MAP3K4: variants seen among roughly 807,000 people sequenced by gnomAD.
The protein encoded by MAP3K4 is mitogen-activated protein kinase kinase kinase 4.
Under a neutral mutation model 185.6 loss-of-function variants are expected in MAP3K4, and 67 were observed. The observed-to-expected ratio is 0.36, with a 90% CI of 0.30 to 0.44. The LOEUF (loss-of-function observed/expected upper bound fraction) is 0.44. Ranked by LOEUF, MAP3K4 falls within the 20% of genes least tolerant of loss-of-function variation. MAP3K4 has a pLI of 1.00. For synonymous variants in MAP3K4, 702 were observed against 710.4 expected (o/e 0.99, Z 0.19); for missense variants, 1,551 against 1,995.1 (o/e 0.78, Z 4.24).
chr6:161,042,536 G>A (rs1052216799), intron 2 of MAP3K4, among the ~76,000 whole-genome samples: 1 of 152,134 alleles, frequency 6.6e-6, no homozygotes, highest in African/African-American at 2.4e-5. Context: ...TTGAGATTAT[G>A]CTTTTGGATA....
Position 161,008,395 on chromosome 6 carries a change from T to G in MAP3K4, c.152+16312T>G, listed in dbSNP as rs1198610424. On this transcript the variant is annotated intron_variant, in intron 1 of 26. Transcript: ENST00000392142. This position sits in a 1 kb window ranked among gnomAD's most constrained non-coding sequence, Gnocchi z 4.1. ...GAAATATAATTACTATACCAAAGTG[T>G]GTGTGTGTGTAAATATATGTAAAAT... 6.6e-6 allele frequency among the ~76,000 whole-genome samples: 1 copy of G among 152,196 alleles called. No homozygotes were observed. The highest frequency in any genetic ancestry group is 1.5e-5 in the Non-Finnish European group (1 of 68,034).
rs763156493 is a variant in MAP3K4, at chr6:161,091,549, A to C, written c.3135+9A>C. Reference sequence around the variant, plus strand: ...ACAATTTTGGATTTGAGGTAGGTTCAAAATAAGAGGAAACACGGTACAATT... The same window carrying C: ...ACAATTTTGGATTTGAGGTAGGTTCCAAATAAGAGGAAACACGGTACAATT... On this transcript the variant is annotated intron_variant, in intron 12 of 26. Transcript: ENST00000392142. This position sits in a 1 kb window ranked among gnomAD's most constrained non-coding sequence, Gnocchi z 5.5. 1 of 1,608,436 alleles carries C rather than the reference A, an allele frequency of 6.2e-7. No individual in the cohort carries two copies. The highest frequency in any genetic ancestry group is 8.5e-7 in the Non-Finnish European group (1 of 1,177,644).
Position 160,996,562 on chromosome 6 carries a change from G to C in MAP3K4, c.152+4479G>C, listed in dbSNP as rs1373323211. 6.6e-6 allele frequency among the ~76,000 whole-genome samples: 1 copy of C among 152,170 alleles called. No individual in the cohort carries two copies. Among genetic ancestry groups the C allele is most frequent in the Non-Finnish European group, 1.5e-5 (1 of 68,038 alleles). The stretch of plus-strand genomic sequence containing the variant: ...TTGTCTCAGCCTTGTCATTTGACCA[G>C]GTAGTATGTATGCTGTTTGAAGACT... On this transcript the variant is annotated intron_variant, in intron 1 of 26. Transcript: ENST00000392142. The surrounding 1 kb of genome is among the most constrained non-coding windows in gnomAD (Gnocchi z 4.5).
chr6:161,107,977 A>G lies in MAP3K4; in HGVS notation c.4119+8A>G, dbSNP rs766735700. 2 of 1,613,548 alleles carry G rather than the reference A, an allele frequency of 1.2e-6. No homozygotes were observed. The highest frequency in any genetic ancestry group is 1.7e-6 in the Non-Finnish European group (2 of 1,179,882). ...CTGATGGCCATGAAAGAGGTGAGTC[A>G]CCTGGCTCCGTGGGGCCTTTGGGCC... On this transcript the variant is annotated splice_region_variant and intron_variant, in intron 21 of 26. Transcript: ENST00000392142. This position sits in a 1 kb window ranked among gnomAD's most constrained non-coding sequence, Gnocchi z 6.2.
chr6:160,991,791 A>G lies in MAP3K4; in HGVS notation c.-141A>G. 4.1e-6 allele frequency: 4 copies of G among 987,016 alleles called. No individual in the cohort carries two copies. The highest frequency in any genetic ancestry group is 5.4e-6 in the Non-Finnish European group (4 of 735,658). 61.1% of individuals were successfully genotyped at this position (987,016 alleles called of 1,614,324 possible). A position where few individuals can be genotyped will look rare whatever the true frequency, so the allele number is the denominator to read the frequency against. On this transcript the variant is annotated 5_prime_UTR_variant, in exon 1 of 27. Coordinates refer to ENST00000392142, the MANE Select transcript of MAP3K4 (RefSeq NM_005922.4). This position sits in a 1 kb window ranked among gnomAD's most constrained non-coding sequence, Gnocchi z 5.7. Reference sequence around the variant, plus strand: ...GGCGCTCGGCCGGTCGCCGTTTCCAAGATGGCCGCGGCGCGCACGGCTCCT... The same window carrying G: ...GGCGCTCGGCCGGTCGCCGTTTCCAGGATGGCCGCGGCGCGCACGGCTCCT...
rs141444159 is a variant in MAP3K4, at chr6:161,106,640, A to T, written c.3983A>T (p.Tyr1328Phe). 7 of 1,613,868 alleles carry T rather than the reference A, an allele frequency of 4.3e-6. No homozygotes were observed. In the African/African-American group the frequency reaches 6.7e-5, roughly 15 times the overall value. ...IGQVCDTPKS[Y>F]DNVMHVGLRK... ...CAAGTTTGTGATACGCCTAAGTCCT[A>T]TGATAATGTTATGCACGTTGGCTTG... The change falls in exon 20 of 27, where the codon TAT (tyrosine) becomes TTT (phenylalanine). Residue 1328 changes from tyrosine to phenylalanine, a missense_variant. Coordinates refer to ENST00000392142, the MANE Select transcript of MAP3K4 (RefSeq NM_005922.4). This position sits in a 1 kb window ranked among gnomAD's most constrained non-coding sequence, Gnocchi z 4.9.
intron 2 of MAP3K4, among the ~76,000 whole-genome samples, chr6:161,040,765 C>T (rs1783414116): frequency 6.6e-6 from 1 of 152,218 alleles, no homozygotes; most frequent in Admixed American, 6.5e-5. Context: ...GCTGGTTTTA[C>T]AGAAAAGACT....
chr6:161,116,803 A>T lies in MAP3K4; in HGVS notation c.4807-47A>T. 1 of 1,600,570 alleles carries T rather than the reference A, an allele frequency of 6.2e-7. No homozygotes were observed. The highest frequency in any genetic ancestry group is 8.6e-7 in the Non-Finnish European group (1 of 1,168,066). On this transcript the variant is annotated intron_variant, in intron 26 of 26. Transcript: ENST00000392142. The surrounding 1 kb of genome is among the most constrained non-coding windows in gnomAD (Gnocchi z 6.2). The stretch of plus-strand genomic sequence containing the variant: ...ACTCATACTGCGCGTATGCACAAGC[A>T]CACACCTGGCTCTGCAAGAGCTCAG...
chr6:161,071,116 A>C lies in MAP3K4; in HGVS notation c.1950+266A>C, dbSNP rs902289395. On this transcript the variant is annotated intron_variant, in intron 4 of 26. Coordinates refer to ENST00000392142, the MANE Select transcript of MAP3K4 (RefSeq NM_005922.4). This position sits in a 1 kb window ranked among gnomAD's most constrained non-coding sequence, Gnocchi z 4.6. ...TAAAGTTTCAGTCTTTGAAGACTAA[A>C]ATTTAAAATTCATTCATAAGAGGTA... 3.3e-5 allele frequency among the ~76,000 whole-genome samples: 5 copies of C among 152,192 alleles called. No homozygotes were observed. The highest frequency in any genetic ancestry group is 1.2e-4 in the African/African-American group (5 of 41,454).
In MAP3K4 at chr6:161,008,469, A is replaced by G. The variant is rs1023346729; in HGVS notation, c.152+16386A>G. ...GAATTTTACATACCGAGTTTTACGT[A>G]TAATGGGAGCTGTATAAGCGTTGAC... On this transcript the variant is annotated intron_variant, in intron 1 of 26. Coordinates refer to ENST00000392142, the MANE Select transcript of MAP3K4 (RefSeq NM_005922.4). This position sits in a 1 kb window ranked among gnomAD's most constrained non-coding sequence, Gnocchi z 4.1. Among the ~76,000 whole-genome samples, 1 of 152,208 alleles carries G rather than the reference A, an allele frequency of 6.6e-6. No homozygotes were observed. Among genetic ancestry groups the G allele is most frequent in the Non-Finnish European group, 1.5e-5 (1 of 68,028 alleles).
At position 161,116,813 on chromosome 6, in the gene MAP3K4, C is replaced by A. The variant is rs1778606922; in HGVS notation, c.4807-37C>A. On this transcript the variant is annotated intron_variant, in intron 26 of 26. Transcript: ENST00000392142. This position sits in a 1 kb window ranked among gnomAD's most constrained non-coding sequence, Gnocchi z 6.2. ...CGCGTATGCACAAGCACACACCTGG[C>A]TCTGCAAGAGCTCAGCTCTCTCCTG... 6.2e-7 allele frequency: 1 copy of A among 1,610,192 alleles called. No individual in the cohort carries two copies. Among genetic ancestry groups the A allele is most frequent in the Non-Finnish European group, 8.5e-7 (1 of 1,176,582 alleles).
Position 161,086,643 on chromosome 6 carries a change from T to G in MAP3K4, c.2532T>G (p.Val844=), listed in dbSNP as rs1785727582. 6.2e-7 allele frequency: 1 copy of G among 1,613,904 alleles called. No individual in the cohort carries two copies. The highest frequency in any genetic ancestry group is 8.5e-7 in the Non-Finnish European group (1 of 1,179,944). ...CCCCAGTTAGAGACCTCCTGGATGT[T>G]CTGAAATCAAAACAGTATGTCAAGG... ...LSAPVRDLLD[V]LKSKQYVKVQ... is the part of the protein sequence containing the mutation. The change falls in exon 9 of 27, where the codon GTT becomes GTG. Residue 844 remains valine, a synonymous_variant. Coordinates refer to ENST00000392142, the MANE Select transcript of MAP3K4 (RefSeq NM_005922.4). This position sits in a 1 kb window ranked among gnomAD's most constrained non-coding sequence, Gnocchi z 4.8.
chr6:161,091,057 C>T lies in MAP3K4; in HGVS notation c.2974-322C>T, dbSNP rs1475323231. Reference sequence around the variant, plus strand: ...GACTTTTTCACTCTGTGGAATTGCACCCGTACTTATGGTTGAGCAACCGTC... The same window carrying T: ...GACTTTTTCACTCTGTGGAATTGCATCCGTACTTATGGTTGAGCAACCGTC... On this transcript the variant is annotated intron_variant, in intron 11 of 26. Coordinates refer to ENST00000392142, the MANE Select transcript of MAP3K4 (RefSeq NM_005922.4). This position sits in a 1 kb window ranked among gnomAD's most constrained non-coding sequence, Gnocchi z 5.5. 1.3e-5 allele frequency among the ~76,000 whole-genome samples: 2 copies of T among 152,108 alleles called. No individual in the cohort carries two copies. The highest frequency in any genetic ancestry group is 2.9e-5 in the Non-Finnish European group (2 of 68,024).
rs917683576 is a variant in MAP3K4 at position 161,034,888 on chromosome 6, G to A, written c.343+439G>A. On this transcript the variant is annotated intron_variant, in intron 2 of 26. Transcript: ENST00000392142. The surrounding 1 kb of genome is among the most constrained non-coding windows in gnomAD (Gnocchi z 4.4). ...TCCCTCTGCTCTCTGCTGGTGCCCCGGGGTGCTATCTTTAGTGTGTAGGGC... is the reference window on the plus strand; with the variant it reads ...TCCCTCTGCTCTCTGCTGGTGCCCCAGGGTGCTATCTTTAGTGTGTAGGGC... Among the ~76,000 whole-genome samples the A allele has an allele frequency of 1.3e-5, 2 of 152,078 alleles. No homozygotes were observed. Among genetic ancestry groups the A allele is most frequent in the African/African-American group, 2.4e-5 (1 of 41,424 alleles).
In MAP3K4 at chr6:161,037,088, T is replaced by G. The variant is rs1300602816; in HGVS notation, c.343+2639T>G. Among the ~76,000 whole-genome samples, 3 of 152,220 alleles carry G rather than the reference T, an allele frequency of 2.0e-5. No individual in the cohort carries two copies. Among genetic ancestry groups the G allele is most frequent in the Non-Finnish European group, 2.9e-5 (2 of 68,044 alleles). ...CATGTATGCCAGCTGGTGAACTATT[T>G]CTTGCGGACATTCTTGTTTATGAAT... is the stretch of plus-strand genomic sequence containing the variant. On this transcript the variant is annotated intron_variant, in intron 2 of 26. Transcript: ENST00000392142. This position sits in a 1 kb window ranked among gnomAD's most constrained non-coding sequence, Gnocchi z 4.2.
At position 161,097,066 on chromosome 6, in the gene MAP3K4, A is replaced by G. The variant is rs1226732752; in HGVS notation, c.3428-14A>G. 1.9e-6 allele frequency: 3 copies of G among 1,612,406 alleles called. No homozygotes were observed. The highest frequency in any genetic ancestry group is 1.1e-5 in the South Asian group (1 of 90,954). On this transcript the variant is annotated splice_polypyrimidine_tract_variant and intron_variant, in intron 15 of 26. Transcript: ENST00000392142. This position sits in a 1 kb window ranked among gnomAD's most constrained non-coding sequence, Gnocchi z 4.9. ...ATATTAACAAGTTGCATTTGTTGCC[A>G]TTTTTGCTGGCAGCCATTCATCGGA... is the stretch of plus-strand genomic sequence containing the variant.
At chr6:161,019,916 C>CAT (rs746071808) in intron 1 of MAP3K4, among the ~76,000 whole-genome samples, 2 of 152,168 alleles carry the variant, frequency 1.3e-5, no homozygotes, top group Non-Finnish European at 2.9e-5. Flanking sequence ...TCACTCCAAA[C>CAT]ATGAAACAGC....
At chr6:161,055,778 C>T (rs2114778553) in intron 3 of MAP3K4, among the ~76,000 whole-genome samples, 1 of 152,274 alleles carries the variant, frequency 6.6e-6, no homozygotes, top group South Asian at 2.1e-4. Flanking sequence ...TGATGTTAAC[C>T]TTGATCACTT....
intron 3 of MAP3K4, among the ~76,000 whole-genome samples, chr6:161,065,493 A>AT (rs1379752232): frequency 1.3e-5 from 2 of 152,220 alleles, no homozygotes; most frequent in African/African-American, 4.8e-5. Flanking sequence ...TGTACTTAAA[A>AT]TTGTGTTTTT....
Sources: gnomAD v4.1 joint callset for allele counts (sites outside exome capture counted in the v4.1 genomes callset) on GRCh38, gnomAD v4.1.1 for gene constraint, Gnocchi (gnomAD v3.1) non-coding constraint, MANE v1.5 for transcripts, NCBI Gene and HGNC (gene_info 2026-07-23, HGNC 2026-07-21) for gene names.